NCKAP1: variants seen among roughly 807,000 people sequenced by gnomAD.
NCKAP1 encodes the protein NCK associated protein 1.
In NCKAP1, 21 loss-of-function variants were observed where a neutral mutation model predicts 151.2. That is an observed-to-expected ratio of 0.14 (90% confidence interval 0.10 to 0.20). The LOEUF (loss-of-function observed/expected upper bound fraction) is 0.20, where lower values mean the gene tolerates loss of function less well. Among genes scored for constraint, NCKAP1 ranks in the 10% least tolerant of loss-of-function variants. NCKAP1 has a pLI of 1.00. For missense variants in NCKAP1, 933 were observed against 1,352.1 expected (o/e 0.69, Z 4.86); for synonymous variants, 484 against 451.8 (o/e 1.07, Z -0.90).
intron 24 of NCKAP1, among the ~76,000 whole-genome samples, chr2:182,939,188 T>C (rs1403753929): frequency 6.6e-6 from 1 of 152,026 alleles, no homozygotes; most frequent in African/African-American, 2.4e-5. Flanking sequence ...AATAAAAAAA[T>C]ATTAAACAGA....
chr2:183,021,765 T>TG (rs1467123365), intron 2 of NCKAP1, among the ~76,000 whole-genome samples: 1 of 152,018 alleles, frequency 6.6e-6, no homozygotes, highest in African/African-American at 2.4e-5. Context: ...AGTACATCAG[T>TG]GGTTGCCTTA....
chr2:182,971,222 G>A lies in NCKAP1; in HGVS notation c.1483-3861C>T, dbSNP rs934540590. Among the ~76,000 whole-genome samples the A allele has an allele frequency of 6.0e-5, 9 of 150,674 alleles. 1 individual carries two copies. The highest frequency in any genetic ancestry group is 5.9e-5 in the Non-Finnish European group (4 of 67,634). ...ATCCCGGCTAAAACGGTGAAACCCC[G>A]TCTCTACTAAAAATACAAAAAATTA... On this transcript the variant is annotated intron_variant, in intron 15 of 30. Coordinates refer to ENST00000361354, the MANE Select transcript of NCKAP1 (RefSeq NM_013436.5).
intron 23 of NCKAP1, among the ~76,000 whole-genome samples, chr2:182,944,511 T>C (rs1247786324): frequency 1.3e-5 from 2 of 152,026 alleles, no homozygotes; most frequent in African/African-American, 2.4e-5. Context: ...CACCCAAGAA[T>C]TTTCGTAGAA....
chr2:182,969,990 G>C (rs567813608), intron 15 of NCKAP1, among the ~76,000 whole-genome samples: 1 of 152,102 alleles, frequency 6.6e-6, no homozygotes, highest in African/African-American at 2.4e-5. Flanking sequence ...GAGATTATGA[G>C]CAACTATATG....
chr2:182,959,422 G>A (rs1342974979), intron 18 of NCKAP1, among the ~76,000 whole-genome samples: 1 of 152,118 alleles, frequency 6.6e-6, no homozygotes, highest in African/African-American at 2.4e-5. Context: ...GGGATGCAAG[G>A]CTGGTTCAAC....
chr2:182,997,638 T>A (rs1235045681), intron 6 of NCKAP1, among the ~76,000 whole-genome samples: 1 of 152,148 alleles, frequency 6.6e-6, no homozygotes, highest in Non-Finnish European at 1.5e-5. Flanking sequence ...GAGATTTGCT[T>A]TATGAAACCA....
At chr2:182,995,072 A>C (rs1181852548) in intron 7 of NCKAP1, among the ~76,000 whole-genome samples, 185 bp from the exon 8 acceptor site, 3 of 152,222 alleles carry the variant, frequency 2.0e-5, no homozygotes, top group Admixed American at 1.3e-4. Context: ...GTCAATAAAC[A>C]ACGAGAGGTG....
At chr2:182,997,713 C>A (rs1266228632) in intron 6 of NCKAP1, among the ~76,000 whole-genome samples, 1 of 152,110 alleles carries the variant, frequency 6.6e-6, no homozygotes, top group Non-Finnish European at 1.5e-5. Flanking sequence ...AAAATACCTA[C>A]CAACCAGAAA....
chr2:183,020,045 G>A lies in NCKAP1; in HGVS notation c.219+3761C>T, dbSNP rs115305191. On this transcript the variant is annotated intron_variant, in intron 2 of 30. Coordinates refer to ENST00000361354, the MANE Select transcript of NCKAP1 (RefSeq NM_013436.5). ...TAAAGGGATTAAAAAGTATGGAGGT[G>A]AGGGCAGTTATTAAAAAAAACAAAA... is the stretch of plus-strand genomic sequence containing the variant. Among the ~76,000 whole-genome samples the A allele has an allele frequency of 4.5e-3, 690 of 151,934 alleles. 3 individuals carry two copies. Among genetic ancestry groups the A allele is most frequent in the African/African-American group, 0.016 (648 of 41,436 alleles).
At chr2:182,926,192 C>T (rs1696644600) in intron 30 of NCKAP1, among the ~76,000 whole-genome samples, 1 of 151,838 alleles carries the variant, frequency 6.6e-6, no homozygotes. Context: ...CAAAACCAAA[C>T]ATAAGACCGA....
At chr2:182,930,082 C>T (rs1351860088) in intron 27 of NCKAP1, among the ~76,000 whole-genome samples, 2 of 151,962 alleles carry the variant, frequency 1.3e-5, no homozygotes, top group Non-Finnish European at 2.9e-5. Context: ...TTAAAAAAAT[C>T]CTTCTCTTGA....
intron 23 of NCKAP1, among the ~76,000 whole-genome samples, chr2:182,951,707 C>T (rs577838610): frequency 8.0e-5 from 12 of 149,216 alleles, no homozygotes; most frequent in South Asian, 6.4e-4. Context: ...AAAGCTTTTA[C>T]GAAGAAAATG....
intron 2 of NCKAP1, among the ~76,000 whole-genome samples, chr2:183,015,275 T>G (rs184442413): frequency 8.9e-4 from 136 of 152,170 alleles, no homozygotes; most frequent in African/African-American, 3.1e-3. Context: ...CTTGAGAATA[T>G]GAAAAAAAGC....
Position 182,964,748 on chromosome 2 carries a change from T to C in NCKAP1, c.1689A>G (p.Ser563=). 2.5e-6 allele frequency: 4 copies of C among 1,610,822 alleles called. No individual in the cohort carries two copies. Among genetic ancestry groups the C allele is most frequent in the Non-Finnish European group, 3.4e-6 (4 of 1,178,068 alleles). The change falls in exon 17 of 31, where the codon TCA becomes TCG. Residue 563 remains serine (S), a synonymous_variant. Transcript: ENST00000361354. ...GTAGTGGAAATGCAATTGAGTATCT[T>C]GATTGAGAGGGTAACTCCAAACACT... The part of the protein sequence containing the change: ...FQQCLELPSQ[S]RYSIAFPLLC...
chr2:183,008,149 C>A (rs972621795), intron 2 of NCKAP1, among the ~76,000 whole-genome samples: 2 of 152,054 alleles, frequency 1.3e-5, no homozygotes, highest in Admixed American at 1.3e-4. Flanking sequence ...TGGCCTCGAA[C>A]TCCCAACCTC....
chr2:183,028,994 G>A (rs1698953634), intron 1 of NCKAP1, among the ~76,000 whole-genome samples: 1 of 151,450 alleles, frequency 6.6e-6, no homozygotes, highest in African/African-American at 2.4e-5. Context: ...TCTGGCGCCT[G>A]TAATCCCAGC....
intron 1 of NCKAP1, among the ~76,000 whole-genome samples, chr2:183,027,158 G>A (rs951153017): frequency 6.6e-6 from 1 of 151,992 alleles, no homozygotes; most frequent in Non-Finnish European, 1.5e-5. Flanking sequence ...TTAAAATCTT[G>A]GCACCATCAC....
intron 15 of NCKAP1, among the ~76,000 whole-genome samples, chr2:182,973,835 T>C (rs975146994): frequency 1.3e-5 from 2 of 152,202 alleles, no homozygotes; most frequent in Non-Finnish European, 2.9e-5. Context: ...GTTTGTCCTT[T>C]CCTTTTTCCT....
chr2:182,968,024 T>C (rs994572444), intron 15 of NCKAP1, among the ~76,000 whole-genome samples: 2 of 152,154 alleles, frequency 1.3e-5, no homozygotes, highest in African/African-American at 2.4e-5. Context: ...GCCTACAGAA[T>C]AAGTACTGTT....
Sources: gnomAD v4.1 joint callset for allele counts (sites outside exome capture counted in the v4.1 genomes callset) on GRCh38, gnomAD v4.1.1 for gene constraint, MANE v1.5 for transcripts, NCBI Gene and HGNC (gene_info 2026-07-23, HGNC 2026-07-21) for gene names.